POLA1: variants seen among roughly 807,000 people sequenced by gnomAD.
POLA1 encodes the protein DNA polymerase alpha catalytic subunit.
In POLA1, 15 loss-of-function variants were observed where a neutral mutation model predicts 124.0. The ratio of observed to expected loss-of-function variants is 0.12; its 90% CI spans 0.08 to 0.19. The LOEUF (loss-of-function observed/expected upper bound fraction) is 0.19. Among genes scored for constraint, POLA1 ranks in the 10% least tolerant of loss-of-function variants. POLA1 has a pLI of 1.00. For missense variants in POLA1, 886 were observed against 1,103.4 expected, an observed-to-expected ratio of 0.80 and a Z score of 2.79; for synonymous variants, 408 against 389.4, an observed-to-expected ratio of 1.05 and a Z score of -0.56.
At chrX:24,991,433 G>A (rs1307536267) in intron 36 of POLA1, among the ~76,000 whole-genome samples, 1 of 112,466 alleles carries the variant, frequency 8.9e-6, no homozygotes, top group Non-Finnish European at 1.9e-5. Flanking sequence ...TTCTATTCTT[G>A]TCTATAGAAG....
At chrX:24,723,524 T>G (rs55706022) in intron 11 of POLA1, among the ~76,000 whole-genome samples, 101 of 112,566 alleles carry the variant, frequency 9.0e-4, no homozygotes, top group African/African-American at 3.2e-3. Flanking sequence ...TATAATGCTT[T>G]CTTTCTCTCA....
intron 6 of POLA1, 150 bp from the exon 7 acceptor site, chrX:24,716,212 C>A: frequency 2.9e-6 from 1 of 343,750 alleles, no homozygotes; most frequent in Non-Finnish European, 5.0e-6. Context: ...GCTATAGTAA[C>A]CACAGTACAT....
At chrX:24,699,608 G>T in intron 2 of POLA1, 59 bp downstream of exon 2, 1 of 962,381 alleles carries the variant, frequency 1.0e-6, no homozygotes, top group East Asian at 3.4e-5. Context: ...ATAGCCTGCA[G>T]GTAGTCTTAT....
Position 24,761,238 on chromosome X carries a change from G to A in POLA1, c.2964+12246G>A, listed in dbSNP as rs1341417572. Among the ~76,000 whole-genome samples the A allele has an allele frequency of 6.3e-5, 7 of 111,721 alleles. No homozygotes were observed. The East Asian group carries it at 8.3e-4, about 13-fold the overall frequency. On this transcript the variant is annotated intron_variant, in intron 26 of 36. Coordinates refer to ENST00000379068, the MANE Select transcript of POLA1 (RefSeq NM_001330360.2). Reference sequence around the variant, plus strand: ...TTGTTTTACATTTGACAAAAGATTTGCTGTTTTGAGGCTAGTGATGAGATT... The same window carrying A: ...TTGTTTTACATTTGACAAAAGATTTACTGTTTTGAGGCTAGTGATGAGATT...
chrX:24,694,343 G>T (rs888328315), intron 1 of POLA1, among the ~76,000 whole-genome samples: 1 of 112,720 alleles, frequency 8.9e-6, no homozygotes, highest in Non-Finnish European at 1.9e-5. Flanking sequence ...ATTTCACTGC[G>T]ATCTCCCTAA....
At chrX:24,725,841 G>A (rs1930507209) in intron 12 of POLA1, 140 bp from the exon 13 acceptor site, 1 of 423,157 alleles carries the variant, frequency 2.4e-6, no homozygotes, top group Non-Finnish European at 4.1e-6. Context: ...ATTGAAAGAG[G>A]AAAGGGTACC....
At chrX:24,760,272 G>A (rs1602346020) in intron 26 of POLA1, among the ~76,000 whole-genome samples, 1 of 111,089 alleles carries the variant, frequency 9.0e-6, no homozygotes, top group African/African-American at 3.3e-5. Context: ...TGGAGAGAAA[G>A]GATCACTAGA....
chrX:24,982,907 C>A (rs968586873), intron 36 of POLA1, among the ~76,000 whole-genome samples: 5 of 111,452 alleles, frequency 4.5e-5, no homozygotes, highest in African/African-American at 1.6e-4. Flanking sequence ...CTAGCGCCAT[C>A]CTTTAAGCCT....
At chrX:24,838,913 A>G (rs1022528688) in intron 32 of POLA1, among the ~76,000 whole-genome samples, 1 of 111,898 alleles carries the variant, frequency 8.9e-6, no homozygotes, top group South Asian at 3.7e-4. Flanking sequence ...TGAAACTTCG[A>G]AATAAGCTGC....
chrX:24,949,522 T>C (rs112996552), intron 36 of POLA1, among the ~76,000 whole-genome samples: 3,932 of 107,351 alleles, frequency 0.037, 190 homozygotes, highest in African/African-American at 0.12. Context: ...GGCATGTTTT[T>C]TTTTTCCTCT....
intron 35 of POLA1, among the ~76,000 whole-genome samples, chrX:24,902,524 G>T (rs1200519956): frequency 8.9e-6 from 1 of 111,933 alleles, no homozygotes. Flanking sequence ...ATCAGACTAT[G>T]CCCTTCTTTT....
At chrX:24,786,204 T>C (rs1225761254) in intron 26 of POLA1, among the ~76,000 whole-genome samples, 1 of 112,522 alleles carries the variant, frequency 8.9e-6, no homozygotes, top group African/African-American at 3.2e-5. Flanking sequence ...TCAAGATAAC[T>C]GATTTCATTT....
At chrX:24,983,684 G>A (rs1402661003) in intron 36 of POLA1, among the ~76,000 whole-genome samples, 1 of 112,010 alleles carries the variant, frequency 8.9e-6, no homozygotes, top group Non-Finnish European at 1.9e-5. Context: ...CAGTTTAAGA[G>A]CATTTTAATT....
chrX:24,764,990 C>A (rs188061440), intron 26 of POLA1, among the ~76,000 whole-genome samples: 1 of 111,147 alleles, frequency 9.0e-6, no homozygotes, highest in East Asian at 2.9e-4. Context: ...CATTGACTTC[C>A]TATTTCAGTT....
At chrX:24,911,622 A>G (rs2047450065) in intron 35 of POLA1, among the ~76,000 whole-genome samples, 1 of 111,154 alleles carries the variant, frequency 9.0e-6, no homozygotes, top group Admixed American at 9.6e-5. Flanking sequence ...GAAAGCAATG[A>G]AATTGAACAC....
At chrX:24,922,184 C>G (rs781480106) in intron 35 of POLA1, among the ~76,000 whole-genome samples, 2 of 110,386 alleles carry the variant, frequency 1.8e-5, no homozygotes, top group Admixed American at 9.7e-5. Context: ...AGGAGGTCCT[C>G]CTGCCTCAGC....
intron 35 of POLA1, among the ~76,000 whole-genome samples, chrX:24,924,436 A>G (rs957281520): frequency 8.9e-6 from 1 of 111,827 alleles, no homozygotes; most frequent in Non-Finnish European, 1.9e-5. Context: ...CCAGTCTTCC[A>G]TGGGGATATA....
intron 24 of POLA1, among the ~76,000 whole-genome samples, chrX:24,747,777 C>T (rs1452308322): frequency 3.9e-5 from 4 of 103,792 alleles, no homozygotes; most frequent in African/African-American, 1.4e-4. Flanking sequence ...CTGTGTAGCC[C>T]AGGCTAGAGT....
intron 34 of POLA1, among the ~76,000 whole-genome samples, chrX:24,868,257 C>T (rs771834387): frequency 4.5e-5 from 5 of 112,052 alleles, no homozygotes; most frequent in African/African-American, 9.7e-5. Flanking sequence ...CGTGAGCAAA[C>T]GGGAAGAGTC....
Sources: allele counts gnomAD v4.1 joint callset (sites outside exome capture counted in the v4.1 genomes callset), GRCh38; gene constraint gnomAD v4.1.1; transcripts MANE v1.5; gene names NCBI Gene and HGNC (gene_info 2026-07-23, HGNC 2026-07-21).